Variants in RPL3L observed in about 807,000 individuals in gnomAD.
RPL3L encodes the protein ribosomal protein L3 like.
RPL3L carries 44 observed loss-of-function variants against 44.5 expected under a neutral mutation model. The observed-to-expected ratio is 0.99, with a 90% CI of 0.78 to 1.27. RPL3L has a LOEUF of 1.27. Ranked by LOEUF, RPL3L falls within the 50% of genes most tolerant of loss-of-function variation. The pLI is 0.00. For missense variants in RPL3L, 631 were observed against 569.1 expected, an observed-to-expected ratio of 1.11 and a Z score of -1.11; for synonymous variants, 292 against 230.7, an observed-to-expected ratio of 1.27 and a Z score of -2.41.
Position 1,945,689 on chromosome 16 carries a change from C to A in RPL3L, c.1048-71G>T, listed in dbSNP as rs184089209. On this transcript the variant is annotated intron_variant, in intron 8 of 9. Coordinates refer to ENST00000268661, the MANE Select transcript of RPL3L (RefSeq NM_005061.3). ...ACACCCTGCTGTGAACCTCCAAGCC[C>A]CACCAGGAAGGTCTTGCTCACCTAG... is the stretch of plus-strand genomic sequence containing the variant. 1.3e-4 allele frequency: 217 copies of A among 1,608,432 alleles called. No individual in the cohort carries two copies. In the African/African-American group the frequency reaches 1.4e-3, roughly 10 times the overall value.
chr16:1,949,992 G>A (rs1473976761), intron 4 of RPL3L, among the ~76,000 whole-genome samples: 3 of 139,152 alleles, frequency 2.2e-5, no homozygotes, highest in African/African-American at 8.5e-5. Flanking sequence ...GTATGGACAG[G>A]GCAGGTATGT....
At chr16:1,954,558 A>T (rs1198951175) in intron 1 of RPL3L, 71 bp downstream of exon 1, 1 of 1,482,120 alleles carries the variant, frequency 6.7e-7, no homozygotes, top group East Asian at 2.7e-5. Flanking sequence ...GAGCATCCAG[A>T]AGCCCAGCTG....
chr16:1,948,872 G>A (rs1318823664), intron 4 of RPL3L, among the ~76,000 whole-genome samples: 3 of 152,002 alleles, frequency 2.0e-5, no homozygotes, highest in South Asian at 2.1e-4. Context: ...GTGCCACTAC[G>A]CCTGGCTAAT....
intron 3 of RPL3L, 37 bp downstream of exon 3, chr16:1,952,822 ACTTCTGTGGTCCCAG>A: frequency 6.2e-7 from 1 of 1,601,354 alleles, no homozygotes; most frequent in South Asian, 1.1e-5. Context: ...CAGGCACCCA[ACTTCTGTGGTCCCAG>A]CAGCCCTTGG....
At chr16:1,953,858 G>A (rs910453317) in intron 2 of RPL3L, 98 bp downstream of exon 2, 2 of 1,247,234 alleles carry the variant, frequency 1.6e-6, no homozygotes, top group East Asian at 3.0e-5. Context: ...TGCTCCCTGG[G>A]ACTGTGGCCC....
At chr16:1,950,225 C>T (rs918436166) in intron 4 of RPL3L, among the ~76,000 whole-genome samples, 5 of 151,906 alleles carry the variant, frequency 3.3e-5, no homozygotes, top group Non-Finnish European at 5.9e-5. Flanking sequence ...AGAGCACCTC[C>T]TGCATACCAG....
chr16:1,946,376 CA>C (rs754057195), intron 7 of RPL3L, among the ~76,000 whole-genome samples: 31 of 152,350 alleles, frequency 2.0e-4, no homozygotes, highest in Admixed American at 1.1e-3. Flanking sequence ...TGACTATATC[CA>C]AATGTTTTGG....
intron 3 of RPL3L, among the ~76,000 whole-genome samples, chr16:1,952,296 G>A (rs2083176410): frequency 6.6e-6 from 1 of 151,588 alleles, no homozygotes. Flanking sequence ...AATTAACCCT[G>A]AGGATTAGAA....
In RPL3L at chr16:1,946,585, C is replaced by T. The variant is rs377366502; in HGVS notation, c.951+40G>A. ...CTGACCCCACTCCAGCCATCATCAG[C>T]GGTGTGATGGGCCTGGCAGTCGCCC... On this transcript the variant is annotated intron_variant, in intron 7 of 9. Transcript: ENST00000268661. 1,310 of 1,589,236 alleles carry T rather than the reference C, an allele frequency of 8.2e-4. 1 individual carries two copies. Among genetic ancestry groups the T allele is most frequent in the Non-Finnish European group, 1.0e-3 (1,214 of 1,160,976 alleles).
At chr16:1,944,998 T>C (rs2083110008) in intron 9 of RPL3L, 105 bp from the exon 10 acceptor site, 3 of 1,356,074 alleles carry the variant, frequency 2.2e-6, no homozygotes, top group African/African-American at 1.6e-5. Context: ...ACTGCCCCCC[T>C]AAGGCTGCTT....
chr16:1,954,248 A>T, intron 1 of RPL3L, 100 bp from the exon 2 acceptor site: 1 of 1,250,768 alleles, frequency 8.0e-7, no homozygotes, highest in Non-Finnish European at 1.1e-6. Flanking sequence ...TACAGGCTTC[A>T]GACTGAGGCC....
intron 9 of RPL3L, 83 bp downstream of exon 9, chr16:1,945,416 G>GCCAGCT: frequency 2.7e-6 from 4 of 1,505,388 alleles, no homozygotes; most frequent in Non-Finnish European, 3.6e-6. Context: ...GGGAGTCCCT[G>GCCAGCT]CCAGCTCCAG....
chr16:1,950,828 A>C lies in RPL3L; in HGVS notation c.501+16T>G, dbSNP rs2083167016. ...GGTCCTAGGGACTGACCGACAGCGG[A>C]GGGCCGGGGGCTGACCTGAGTGTGG... On this transcript the variant is annotated intron_variant, in intron 4 of 9. Coordinates refer to ENST00000268661, the MANE Select transcript of RPL3L (RefSeq NM_005061.3). The C allele has an allele frequency of 6.2e-7, 1 of 1,613,784 alleles. No homozygotes were observed. The highest frequency in any genetic ancestry group is 2.2e-5 in the East Asian group (1 of 44,882).
At chr16:1,949,251 T>C (rs867934781) in intron 4 of RPL3L, among the ~76,000 whole-genome samples, 489 of 97,206 alleles carry the variant, frequency 5.0e-3, no homozygotes, top group African/African-American at 0.019. Context: ...TTTGTTTTTT[T>C]TTTTTTTCTT....
At chr16:1,945,199 C>T (rs1366036475) in intron 9 of RPL3L, among the ~76,000 whole-genome samples, 1 of 151,910 alleles carries the variant, frequency 6.6e-6, no homozygotes, top group Admixed American at 6.6e-5. Flanking sequence ...ACTAAAAATA[C>T]AGAAAATTAG....
intron 9 of RPL3L, among the ~76,000 whole-genome samples, chr16:1,945,237 A>G (rs1404185774): frequency 6.6e-6 from 1 of 151,984 alleles, no homozygotes; most frequent in Non-Finnish European, 1.5e-5. Flanking sequence ...TGCCTGTAGT[A>G]CCAACGACTG....
intron 3 of RPL3L, among the ~76,000 whole-genome samples, chr16:1,951,488 C>T (rs1210783393): frequency 6.6e-6 from 1 of 151,608 alleles, no homozygotes; most frequent in African/African-American, 2.4e-5. Context: ...CTCAAGCAAT[C>T]CTCCCACCTC....
At chr16:1,947,713 G>A (rs955431101) in intron 4 of RPL3L, among the ~76,000 whole-genome samples, 6 of 152,284 alleles carry the variant, frequency 3.9e-5, no homozygotes, top group Non-Finnish European at 7.4e-5. Context: ...CTGAGAAGGT[G>A]CCGCTGCTAA....
At chr16:1,950,771 C>G (rs2083166512) in intron 4 of RPL3L, 73 bp downstream of exon 4, 1 of 1,607,506 alleles carries the variant, frequency 6.2e-7, no homozygotes, top group Admixed American at 1.7e-5. Context: ...TGACATTTGC[C>G]ACAGCTCCTG....
Sources: allele counts gnomAD v4.1 joint callset (sites outside exome capture counted in the v4.1 genomes callset), GRCh38; gene constraint gnomAD v4.1.1; transcripts MANE v1.5; gene names NCBI Gene and HGNC (gene_info 2026-07-23, HGNC 2026-07-21).